The following SOX6 variants were observed in gnomAD, a reference collection of about 807,000 sequenced individuals.
SOX6 encodes transcription factor SOX-6.
A neutral mutation model predicts 97.8 loss-of-function variants in SOX6; 11 were observed. The ratio of observed to expected loss-of-function variants is 0.11; its 90% confidence interval spans 0.07 to 0.19. SOX6 has a LOEUF of 0.19. SOX6 is among the 10% of genes least tolerant of loss of function. The pLI, the probability that SOX6 is intolerant of heterozygous loss-of-function variation, is 1.00. For missense variants in SOX6, 810 were observed against 1,039.5 expected, an observed-to-expected ratio of 0.78 and a Z score of 3.04; for synonymous variants, 360 against 371.4, an observed-to-expected ratio of 0.97 and a Z score of 0.35.
intron 1 of SOX6, among the ~76,000 whole-genome samples, chr11:16,394,199 A>G (rs1442160305): frequency 2.0e-5 from 3 of 152,000 alleles, no homozygotes; most frequent in Non-Finnish European, 4.4e-5. Flanking sequence ...AGGCACCATC[A>G]GAATTCCATA....
At chr11:16,638,740 T>C (rs1221943181) in intron 3 of SOX6, among the ~76,000 whole-genome samples, 2 of 152,240 alleles carry the variant, frequency 1.3e-5, no homozygotes, top group African/African-American at 4.8e-5. Flanking sequence ...TCTGTTCATA[T>C]CTTTCACCCA....
chr11:16,175,331 A>G (rs1851156127), intron 6 of SOX6, among the ~76,000 whole-genome samples: 1 of 151,938 alleles, frequency 6.6e-6, no homozygotes, highest in Admixed American at 6.6e-5. Flanking sequence ...GGGGTTTTAT[A>G]TAATTATCTC....
At chr11:16,489,889 T>C (rs971295479) in intron 4 of SOX6, among the ~76,000 whole-genome samples, 6 of 152,080 alleles carry the variant, frequency 3.9e-5, no homozygotes, top group Admixed American at 6.6e-5. Context: ...GGTTCTGACA[T>C]TTGCTAGATA....
At chr11:16,180,538 T>C (rs1454983122) in intron 6 of SOX6, among the ~76,000 whole-genome samples, 2 of 151,696 alleles carry the variant, frequency 1.3e-5, no homozygotes, top group Non-Finnish European at 3.0e-5. Context: ...TTACTTCACA[T>C]GTAAAAAATT....
intron 4 of SOX6, among the ~76,000 whole-genome samples, chr11:16,226,759 T>C (rs573914184): frequency 6.6e-6 from 1 of 152,172 alleles, no homozygotes; most frequent in Admixed American, 6.5e-5. Context: ...CTCATTCAGG[T>C]AAAGATCAAG....
At chr11:15,993,803 G>C (rs918898535) in intron 13 of SOX6, among the ~76,000 whole-genome samples, 1 of 152,172 alleles carries the variant, frequency 6.6e-6, no homozygotes, top group Admixed American at 6.5e-5. Context: ...TTAAAGAGAA[G>C]ACGAAATTGA....
chr11:16,120,229 T>A (rs113777587), intron 6 of SOX6, among the ~76,000 whole-genome samples: 1 of 144,960 alleles, frequency 6.9e-6, no homozygotes, highest in African/African-American at 2.6e-5. Flanking sequence ...TCTCTCTCTC[T>A]CTCTCACTCA....
At chr11:16,652,134 A>G (rs1010768039) in intron 3 of SOX6, among the ~76,000 whole-genome samples, 4 of 152,198 alleles carry the variant, frequency 2.6e-5, no homozygotes, top group Non-Finnish European at 5.9e-5. Flanking sequence ...ATGGAAACAC[A>G]TTCCATGCTC....
chr11:16,554,729 A>G (rs972568899), intron 4 of SOX6, among the ~76,000 whole-genome samples: 1 of 152,100 alleles, frequency 6.6e-6, no homozygotes, highest in African/African-American at 2.4e-5. Flanking sequence ...CTTATAAACT[A>G]TTAGAATTAA....
chr11:16,721,500 G>GTCTCTGTCTCTC (rs1848261225), intron 2 of SOX6, among the ~76,000 whole-genome samples: 1 of 28,670 alleles, frequency 3.5e-5, no homozygotes, highest in African/African-American at 1.3e-4. Context: ...GGTCTTTTCT[G>GTCTCTGTCTCTC]TCTCTCTCTC....
chr11:16,567,981 A>G (rs945209663), intron 4 of SOX6, among the ~76,000 whole-genome samples: 1 of 152,076 alleles, frequency 6.6e-6, no homozygotes, highest in African/African-American at 2.4e-5. Context: ...CAGTGATGCC[A>G]AACAACCACA....
intron 4 of SOX6, among the ~76,000 whole-genome samples, chr11:16,521,999 T>A (rs1239149345): frequency 6.6e-6 from 1 of 152,038 alleles, no homozygotes; most frequent in Non-Finnish European, 1.5e-5. Flanking sequence ...CAAATCTACG[T>A]CTGATTCGTG....
chr11:16,584,253 A>C (rs776294972), intron 4 of SOX6, among the ~76,000 whole-genome samples: 13 of 152,162 alleles, frequency 8.5e-5, no homozygotes, highest in Non-Finnish European at 5.9e-5. Flanking sequence ...TCACACCACA[A>C]AAAAGGGAAC....
At chr11:16,493,517 A>G (rs1812688825) in intron 4 of SOX6, among the ~76,000 whole-genome samples, 1 of 152,288 alleles carries the variant, frequency 6.6e-6, no homozygotes, top group African/African-American at 2.4e-5. Flanking sequence ...GTATAGGAAG[A>G]AGAAAGGCTT....
chr11:16,510,499 T>C (rs1860862172), intron 4 of SOX6, among the ~76,000 whole-genome samples: 1 of 152,094 alleles, frequency 6.6e-6, no homozygotes, highest in Non-Finnish European at 1.5e-5. Context: ...TATAAATCTA[T>C]GCACTACCTT....
chr11:16,058,566 A>G (rs1847873879), intron 9 of SOX6, among the ~76,000 whole-genome samples: 2 of 152,102 alleles, frequency 1.3e-5, no homozygotes, highest in African/African-American at 4.8e-5. Flanking sequence ...GGAAATCACA[A>G]ATATCAATAT....
chr11:16,450,469 C>T (rs893382522), intron 1 of SOX6, among the ~76,000 whole-genome samples: 2 of 152,170 alleles, frequency 1.3e-5, no homozygotes, highest in African/African-American at 2.4e-5. Flanking sequence ...TTACCATTTT[C>T]TTCTGAATAT....
At position 16,287,329 on chromosome 11, in the gene SOX6, C is replaced by CAT. The variant is rs1210083067; in HGVS notation, c.445+31116_445+31117insAT. Among the ~76,000 whole-genome samples the CAT allele has an allele frequency of 7.3e-5, 11 of 150,602 alleles. No individual in the cohort carries two copies. In the East Asian group the frequency reaches 1.6e-3, roughly 21 times the overall value. ...ACACACACACACACACACACACACA[C>CAT]GCTCCTCCTATACTATTGCTGTATT... On this transcript the variant is annotated intron_variant, in intron 3 of 15. Transcript: ENST00000683767.
chr11:16,732,858 CCAGAATCTG>C (rs1848361733), intron 2 of SOX6, among the ~76,000 whole-genome samples: 1 of 152,150 alleles, frequency 6.6e-6, no homozygotes. Flanking sequence ...GTGCTAATAT[CCAGAATCTG>C]CACAGAACTT....
Sources: gnomAD v4.1 joint callset for allele counts (sites outside exome capture counted in the v4.1 genomes callset) on GRCh38, gnomAD v4.1.1 for gene constraint, MANE v1.5 for transcripts, NCBI Gene and HGNC (gene_info 2026-07-23, HGNC 2026-07-21) for gene names.